The following ARL15 variants were observed in gnomAD, a reference collection of about 807,000 sequenced individuals.
ARL15 encodes the protein ARF like GTPase 15.
In ARL15, 19 loss-of-function variants were observed where a neutral mutation model predicts 25.2. That is an observed-to-expected ratio of 0.75 (90% CI 0.53 to 1.10). The LOEUF (loss-of-function observed/expected upper bound fraction) is 1.10, where lower values mean the gene tolerates loss of function less well. ARL15 is among the 50% of genes least tolerant of loss of function. ARL15 has a pLI of 0.00. For synonymous variants in ARL15, 94 were observed against 86.8 expected (o/e 1.08, Z -0.46); for missense variants, 220 against 246.0 (o/e 0.89, Z 0.71).
intron 1 of ARL15, among the ~76,000 whole-genome samples, chr5:54,290,792 T>G (rs1758302519): frequency 6.6e-6 from 1 of 152,206 alleles, no homozygotes; most frequent in African/African-American, 2.4e-5. Flanking sequence ...GTCCCATTCG[T>G]TTTTAATATA....
intron 1 of ARL15, among the ~76,000 whole-genome samples, chr5:54,273,488 T>C (rs780771413): frequency 9.2e-5 from 14 of 152,086 alleles, no homozygotes; most frequent in Non-Finnish European, 1.6e-4. Context: ...TGTCAAGGAC[T>C]AAAAGACAAA....
At chr5:54,016,983 C>T (rs2111817168) in intron 4 of ARL15, among the ~76,000 whole-genome samples, 1 of 152,316 alleles carries the variant, frequency 6.6e-6, no homozygotes, top group Non-Finnish European at 1.5e-5. Context: ...AAAGCAAAGA[C>T]AACAGCAAAG....
rs116087601 is a variant in ARL15 at position 53,976,813 on chromosome 5, G to A, written c.463-90100C>T. ...AGGGAGCTGGCAGTATGTGAGTATC[G>A]CTTAGTCCTGAAGAAGACGGGCAGC... is the stretch of plus-strand genomic sequence containing the variant. On this transcript the variant is annotated intron_variant, in intron 4 of 4. Coordinates refer to ENST00000504924, the MANE Select transcript of ARL15 (RefSeq NM_019087.3). Among the ~76,000 whole-genome samples the A allele has an allele frequency of 7.0e-3, 1,059 of 152,130 alleles. 11 individuals carry two copies. The highest frequency in any genetic ancestry group is 0.024 in the African/African-American group (1,008 of 41,516).
At chr5:54,179,364 A>ACTT (rs1754980002) in intron 1 of ARL15, among the ~76,000 whole-genome samples, 1 of 152,134 alleles carries the variant, frequency 6.6e-6, no homozygotes, top group Non-Finnish European at 1.5e-5. Flanking sequence ...TGAGGAGGTG[A>ACTT]AAGAGTGCTT....
chr5:54,105,122 A>T (rs750030892), intron 4 of ARL15, among the ~76,000 whole-genome samples: 3 of 151,692 alleles, frequency 2.0e-5, no homozygotes, highest in Admixed American at 6.6e-5. Flanking sequence ...ACTGACATTA[A>T]CTATGTCTCT....
chr5:54,262,371 T>C (rs1167824492), intron 1 of ARL15, among the ~76,000 whole-genome samples: 1 of 152,152 alleles, frequency 6.6e-6, no homozygotes, highest in Middle Eastern at 3.2e-3. Context: ...TTACCCCAGG[T>C]CATTCAATTA....
At chr5:54,288,235 T>G (rs1339757327) in intron 1 of ARL15, among the ~76,000 whole-genome samples, 1 of 152,256 alleles carries the variant, frequency 6.6e-6, no homozygotes, top group Non-Finnish European at 1.5e-5. Context: ...CTCAGTTTCT[T>G]GCAGCTAGGA....
intron 1 of ARL15, 61 bp downstream of exon 1, chr5:54,310,371 A>AG: frequency 1.9e-6 from 3 of 1,557,568 alleles, no homozygotes; most frequent in Non-Finnish European, 1.7e-6. Flanking sequence ...TCCTCAAGGC[A>AG]GGGGGCCATC....
In ARL15 at chr5:54,113,264, T is replaced by A. The variant is rs1579811808; in HGVS notation, c.400A>T (p.Thr134Ser). 1 of 1,613,932 alleles carries A rather than the reference T, an allele frequency of 6.2e-7. No homozygotes were observed. Among genetic ancestry groups the A allele is most frequent in the South Asian group, 1.1e-5 (1 of 91,084 alleles). Reference sequence around the variant, plus strand: ...TTGGCCAATATTAAAAAGGGTAAAGTGCATAACTGTGGATGCTGAAGAGCT... The same window carrying A: ...TTGGCCAATATTAAAAAGGGTAAAGAGCATAACTGTGGATGCTGAAGAGCT... ...HSALQHPQLC[T>S]LPFLILANHQ... The change falls in exon 4 of 5, where the codon ACT (threonine) becomes TCT (serine). Residue 134 changes from threonine (T) to serine (S), a missense_variant. Coordinates refer to ENST00000504924, the MANE Select transcript of ARL15 (RefSeq NM_019087.3).
chr5:53,928,160 T>C (rs1200350103), intron 4 of ARL15, among the ~76,000 whole-genome samples: 8 of 152,134 alleles, frequency 5.3e-5, no homozygotes, highest in Non-Finnish European at 1.5e-5. Context: ...AGATGGACTT[T>C]TGATTAGAGT....
chr5:53,901,090 C>T (rs1246684876), intron 4 of ARL15, among the ~76,000 whole-genome samples: 1 of 152,194 alleles, frequency 6.6e-6, no homozygotes, highest in Admixed American at 6.5e-5. Flanking sequence ...CAATACCATA[C>T]ATAACATAGT....
chr5:54,005,533 T>C, intron 4 of ARL15, among the ~76,000 whole-genome samples: 1 of 151,558 alleles, frequency 6.6e-6, no homozygotes, highest in East Asian at 2.0e-4. Context: ...AGTTCAAGAC[T>C]ACCCTGGCCA....
intron 4 of ARL15, among the ~76,000 whole-genome samples, chr5:53,954,804 T>C (rs1019278633): frequency 1.3e-5 from 2 of 152,226 alleles, no homozygotes; most frequent in East Asian, 1.9e-4. Flanking sequence ...AAAGAACATA[T>C]TCCTTTTAAA....
chr5:54,201,177 C>T (rs1256353980), intron 1 of ARL15, among the ~76,000 whole-genome samples: 1 of 152,096 alleles, frequency 6.6e-6, no homozygotes, highest in Non-Finnish European at 1.5e-5. Context: ...AGTCCTGACT[C>T]TATAATGAAT....
At position 53,985,393 on chromosome 5, in the gene ARL15, C is replaced by T. The variant is rs1021855149; in HGVS notation, c.463-98680G>A. ...CATTCATAATGTTGTGCAACCATCA[C>T]CACCATCCATCGCCATTACTCTTTT... On this transcript the variant is annotated intron_variant, in intron 4 of 4. Transcript: ENST00000504924. Among the ~76,000 whole-genome samples the T allele has an allele frequency of 2.6e-5, 4 of 152,148 alleles. No individual in the cohort carries two copies. In the East Asian group the frequency reaches 7.7e-4, roughly 29 times the overall value.
chr5:54,193,772 C>G (rs1039244733), intron 1 of ARL15, among the ~76,000 whole-genome samples: 4 of 146,850 alleles, frequency 2.7e-5, no homozygotes, highest in African/African-American at 1.0e-4. Flanking sequence ...CTTATGTACT[C>G]TGCCTAGCAC....
At chr5:54,290,376 C>T (rs1476688067) in intron 1 of ARL15, among the ~76,000 whole-genome samples, 4 of 150,660 alleles carry the variant, frequency 2.7e-5, no homozygotes, top group South Asian at 2.1e-4. Context: ...GATCTCGGCT[C>T]GCTGCAACCT....
chr5:54,260,825 C>A (rs1360788611), intron 1 of ARL15, among the ~76,000 whole-genome samples: 36 of 152,052 alleles, frequency 2.4e-4, no homozygotes, highest in Non-Finnish European at 2.9e-5. Context: ...CAAATGTGTC[C>A]AAAGTCATAT....
intron 1 of ARL15, among the ~76,000 whole-genome samples, chr5:54,216,143 T>C (rs1337365842): frequency 6.6e-6 from 1 of 152,196 alleles, no homozygotes; most frequent in Non-Finnish European, 1.5e-5. Context: ...CTCGCAAATA[T>C]TTAACAGGCA....
Sources: gnomAD v4.1 joint callset for allele counts (sites outside exome capture counted in the v4.1 genomes callset) on GRCh38, gnomAD v4.1.1 for gene constraint, MANE v1.5 for transcripts, NCBI Gene and HGNC (gene_info 2026-07-23, HGNC 2026-07-21) for gene names.